The following MIPEP variants were observed in gnomAD, a reference collection of about 807,000 sequenced individuals.
MIPEP encodes mitochondrial intermediate peptidase.
Under a neutral mutation model 90.3 loss-of-function variants are expected in MIPEP, and 79 were observed. The observed-to-expected ratio is 0.87, with a 90% CI of 0.73 to 1.05. The LOEUF is 1.05. MIPEP is among the 50% of genes least tolerant of loss of function. The probability of loss-of-function intolerance (pLI) is 0.00; values close to 1 mark genes in which losing one functional copy is unlikely to be tolerated. For synonymous variants in MIPEP, 334 were observed against 315.8 expected, an observed-to-expected ratio of 1.06 and a Z score of -0.61; for missense variants, 940 against 905.6, an observed-to-expected ratio of 1.04 and a Z score of -0.49.
At chr13:23,782,465 G>A (rs1322204912) in intron 16 of MIPEP, among the ~76,000 whole-genome samples, 2 of 152,144 alleles carry the variant, frequency 1.3e-5, no homozygotes. Context: ...AGTGTGTAGA[G>A]GGAAATTTAT....
chr13:23,774,332 T>C (rs1952688103), intron 16 of MIPEP, among the ~76,000 whole-genome samples: 1 of 152,214 alleles, frequency 6.6e-6, no homozygotes, highest in South Asian at 2.1e-4. Flanking sequence ...ACTGCTTCAA[T>C]TGGGAAGTGT....
intron 7 of MIPEP, among the ~76,000 whole-genome samples, chr13:23,868,459 G>A (rs896696433): frequency 1.3e-5 from 2 of 152,138 alleles, no homozygotes; most frequent in African/African-American, 4.8e-5. Flanking sequence ...AGCACAGAAG[G>A]AATAAAGACA....
In MIPEP at chr13:23,808,462, C is replaced by A. The variant is rs188129304; in HGVS notation, c.1728+1388G>T. On this transcript the variant is annotated intron_variant, in intron 15 of 18. Transcript: ENST00000382172. Reference sequence around the variant, plus strand: ...AATTCACTTCCTTTCCACCCGTGTTCATCTCCACTGTCCAAGTGTAATATA... The same window carrying A: ...AATTCACTTCCTTTCCACCCGTGTTAATCTCCACTGTCCAAGTGTAATATA... Among the ~76,000 whole-genome samples, 17 of 152,290 alleles carry A rather than the reference C, an allele frequency of 1.1e-4. No individual in the cohort carries two copies. The Middle Eastern group carries it at 0.014, about 122-fold the overall frequency.
intron 8 of MIPEP, among the ~76,000 whole-genome samples, chr13:23,863,777 A>G (rs1870411318): frequency 6.6e-6 from 1 of 152,230 alleles, no homozygotes; most frequent in Non-Finnish European, 1.5e-5. Context: ...CACCACATCC[A>G]TGAGCCTCCT....
intron 16 of MIPEP, chr13:23,765,835 T>G (rs1484619749): frequency 6.6e-6 from 1 of 152,200 alleles, no homozygotes; most frequent in East Asian, 1.9e-4. Context: ...ACAAGACCGG[T>G]GTATTGGGTT....
chr13:23,862,381 AT>A lies in MIPEP; in HGVS notation c.993-20del. 1 of 1,483,198 alleles carries A rather than the reference AT, an allele frequency of 6.7e-7. No homozygotes were observed. The highest frequency in any genetic ancestry group is 1.2e-5 in the South Asian group (1 of 81,986). The allele number at this position is 1,483,198 out of a possible 1,614,324, so 91.9% of individuals were successfully genotyped here. ...CAGAGTTCTATAAAACAGGTTTATC[AT>A]TACTTGTTAGGACAAAATTTTAACA... On this transcript the variant is annotated intron_variant, in intron 8 of 18. Transcript: ENST00000382172.
chr13:23,790,426 T>C (rs767378), intron 16 of MIPEP, among the ~76,000 whole-genome samples: 61,822 of 152,140 alleles, frequency 0.41, 13,212 homozygotes, highest in East Asian at 0.64. Flanking sequence ...GTCCACATCC[T>C]ATCCCTAGAA....
intron 16 of MIPEP, among the ~76,000 whole-genome samples, chr13:23,780,204 C>A (rs574625309): frequency 1.2e-4 from 18 of 152,234 alleles, no homozygotes; most frequent in Non-Finnish European, 2.1e-4. Context: ...AGGCACCCCC[C>A]AGTAGGGGCA....
chr13:23,823,409 C>G (rs754021633), intron 14 of MIPEP, among the ~76,000 whole-genome samples: 2 of 152,212 alleles, frequency 1.3e-5, no homozygotes, highest in Non-Finnish European at 2.9e-5. Flanking sequence ...CAGGTCCCTG[C>G]ATCTGAAACA....
intron 16 of MIPEP, among the ~76,000 whole-genome samples, chr13:23,763,529 G>A (rs1160404930): frequency 2.0e-5 from 3 of 152,178 alleles, no homozygotes; most frequent in African/African-American, 4.8e-5. Flanking sequence ...GTTTTATCTT[G>A]AAAGCAGGCC....
Position 23,837,614 on chromosome 13 carries a change from A to G in MIPEP, c.1481T>C (p.Phe494Ser), listed in dbSNP as rs759736764. The change falls in exon 13 of 19, where the codon TTC (phenylalanine) becomes TCC (serine). Residue 494 changes from phenylalanine (F) to serine (S), a missense_variant. Coordinates refer to ENST00000382172, the MANE Select transcript of MIPEP (RefSeq NM_005932.4). ...LLTPSMMENL[F>S]HEMGHAMHSM... ...ATGCATGGCATGTCCCATTTCATGG[A>G]AAAGATTTTCCATCATGCTAGGAGT... 1 of 1,614,096 alleles carries G rather than the reference A, an allele frequency of 6.2e-7. No individual in the cohort carries two copies. The highest frequency in any genetic ancestry group is 1.1e-5 in the South Asian group (1 of 91,088).
intron 14 of MIPEP, among the ~76,000 whole-genome samples, chr13:23,817,613 T>C (rs1593171399): frequency 6.6e-6 from 1 of 152,142 alleles, no homozygotes; most frequent in Non-Finnish European, 1.5e-5. Context: ...TAAAACATCA[T>C]CCTTTGCCCT....
intron 7 of MIPEP, among the ~76,000 whole-genome samples, chr13:23,868,732 ATAT>A (rs1026907171): frequency 8.5e-5 from 13 of 152,216 alleles, no homozygotes; most frequent in African/African-American, 3.1e-4. Context: ...ATGTACATTT[ATAT>A]TATTATTGTG....
intron 10 of MIPEP, chr13:23,842,340 A>G (rs1024500415): frequency 6.6e-6 from 1 of 152,190 alleles, no homozygotes; most frequent in African/African-American, 2.4e-5. Flanking sequence ...CAACAAATTT[A>G]TATATAAAAA....
intron 5 of MIPEP, among the ~76,000 whole-genome samples, chr13:23,872,022 A>G (rs1341932982): frequency 6.6e-6 from 1 of 152,246 alleles, no homozygotes; most frequent in Non-Finnish European, 1.5e-5. Context: ...TCTGCCAGGC[A>G]TATCACTTCA....
At chr13:23,834,003 T>C (rs539851152) in intron 14 of MIPEP, among the ~76,000 whole-genome samples, 43 of 152,198 alleles carry the variant, frequency 2.8e-4, no homozygotes, top group African/African-American at 1.0e-3. Context: ...GGAAGCAGGA[T>C]GCCCCTTTGC....
chr13:23,864,782 C>T (rs889043146), intron 7 of MIPEP, among the ~76,000 whole-genome samples: 17 of 128,848 alleles, frequency 1.3e-4, no homozygotes, highest in African/African-American at 4.6e-4. Flanking sequence ...GAAAAAAGTA[C>T]AAAATTTCAA....
intron 16 of MIPEP, among the ~76,000 whole-genome samples, chr13:23,792,603 T>C (rs1952909755): frequency 6.6e-6 from 1 of 152,184 alleles, no homozygotes; most frequent in Non-Finnish European, 1.5e-5. Context: ...AGCGATCCTC[T>C]CATCTTGGCC....
chr13:23,870,324 T>C (rs1870737638), intron 5 of MIPEP, 129 bp from the exon 6 acceptor site: 1 of 441,730 alleles, frequency 2.3e-6, no homozygotes, highest in Non-Finnish European at 3.7e-6. Flanking sequence ...AAATATTAGT[T>C]TAGTAAAATG....
Sources: allele counts gnomAD v4.1 joint callset (sites outside exome capture counted in the v4.1 genomes callset), GRCh38; gene constraint gnomAD v4.1.1; transcripts MANE v1.5; gene names NCBI Gene and HGNC (gene_info 2026-07-23, HGNC 2026-07-21).